AADAT: variants seen among roughly 807,000 people sequenced by gnomAD.
AADAT encodes kynurenine/alpha-aminoadipate aminotransferase, mitochondrial.
AADAT carries 25 observed loss-of-function variants against 56.2 expected under a neutral mutation model. The observed-to-expected ratio is 0.44, with a 90% confidence interval of 0.32 to 0.62. The LOEUF is 0.62. Among genes scored for constraint, AADAT ranks in the 20% least tolerant of loss-of-function variants. The pLI is 0.04. For synonymous variants in AADAT, 173 were observed against 164.7 expected (o/e 1.05, Z -0.39); for missense variants, 387 against 510.5 (o/e 0.76, Z 2.33).
chr4:170,066,518 T>C (rs772212212), intron 9 of AADAT, 40 bp from the exon 10 acceptor site: 1 of 1,493,378 alleles, frequency 6.7e-7, no homozygotes, highest in Non-Finnish European at 9.3e-7. Flanking sequence ...GCTCAGTACA[T>C]TGATTGCAGA....
In AADAT at chr4:170,064,756, A is replaced by G; in HGVS notation, c.1097T>C (p.Val366Ala). 1 of 1,610,964 alleles carries G rather than the reference A, an allele frequency of 6.2e-7. No individual in the cohort carries two copies. Among genetic ancestry groups the G allele is most frequent in the Non-Finnish European group, 8.5e-7 (1 of 1,179,368 alleles). ...GGCCTTTTCTTCAATCAGTTCTTTTACATCATTAATGCCTTTAACTTTAAT... is the reference window on the plus strand; with the variant it reads ...GGCCTTTTCTTCAATCAGTTCTTTTGCATCATTAATGCCTTTAACTTTAAT... The part of the protein sequence containing the change: ...LWIKVKGIND[V>A]KELIEEKAVK... The change falls in exon 11 of 13, where the codon GTA becomes GCA. Residue 366 changes from valine (V) to alanine (A), a missense_variant. Coordinates refer to ENST00000337664, the MANE Select transcript of AADAT (RefSeq NM_016228.4).
At chr4:170,076,906 C>T (rs74370654) in intron 4 of AADAT, among the ~76,000 whole-genome samples, 2,921 of 152,120 alleles carry the variant, frequency 0.019, 101 homozygotes, top group African/African-American at 0.066. Context: ...AGTAAGGGTC[C>T]AAGTTCTTTT....
chr4:170,088,823 A>G (rs544160017), intron 1 of AADAT, among the ~76,000 whole-genome samples: 1 of 152,190 alleles, frequency 6.6e-6, no homozygotes, highest in East Asian at 1.9e-4. Context: ...GCACTTATAA[A>G]AGAGGGCTGA....
Position 170,060,821 on chromosome 4 carries a change from C to CT in AADAT, c.*106dup. 4 of 888,220 alleles carry CT rather than the reference C, an allele frequency of 4.5e-6. No individual in the cohort carries two copies. Among genetic ancestry groups the CT allele is most frequent in the Non-Finnish European group, 6.7e-6 (4 of 601,312 alleles). The allele number at this position is 888,220 out of a possible 1,614,324, so 55.0% of individuals were successfully genotyped here. Reference sequence around the variant, plus strand: ...CCAGAGTGCAGTGGTGTGATCGTAGCTTACTGCAGCCTTGAATTCCTGGGT... The same window carrying CT: ...CCAGAGTGCAGTGGTGTGATCGTAGCTTTACTGCAGCCTTGAATTCCTGGGT... On this transcript the variant is annotated 3_prime_UTR_variant, in exon 13 of 13. Transcript: ENST00000337664.
rs144018711 is a variant in AADAT at position 170,060,280 on chromosome 4, T to C, written c.*648A>G. ...TTTCTGTGGCATAACATAAGGTTTA[T>C]GGTACTTTTACTAAAAGTCACTTAT... On this transcript the variant is annotated 3_prime_UTR_variant, in exon 13 of 13. Coordinates refer to ENST00000337664, the MANE Select transcript of AADAT (RefSeq NM_016228.4). 1 of 152,198 alleles carries C rather than the reference T, an allele frequency of 6.6e-6. No homozygotes were observed. Among genetic ancestry groups the C allele is most frequent in the East Asian group, 1.9e-4 (1 of 5,202 alleles). 9.4% of individuals were successfully genotyped at this position (152,198 alleles called of 1,614,324 possible). A position where few individuals can be genotyped will look rare whatever the true frequency, so the allele number is the denominator to read the frequency against.
chr4:170,064,962 T>A (rs919729388), intron 10 of AADAT, 137 bp from the exon 11 acceptor site: 7 of 624,550 alleles, frequency 1.1e-5, no homozygotes, highest in Admixed American at 3.7e-5. Context: ...ATAGCATTTT[T>A]AAAAATATCA....
chr4:170,092,966 T>C (rs536721293), upstream of AADAT, among the ~76,000 whole-genome samples: 2 of 152,330 alleles, frequency 1.3e-5, no homozygotes, highest in South Asian at 2.1e-4. Flanking sequence ...TAAAAGTAGT[T>C]CCTGAATTTT....
intron 3 of AADAT, among the ~76,000 whole-genome samples, chr4:170,080,734 T>C (rs1732258145): frequency 6.6e-6 from 1 of 152,148 alleles, no homozygotes; most frequent in African/African-American, 2.4e-5. Context: ...AAACCTGGAC[T>C]TAAGGTGCCA....
chr4:170,066,501 T>C (rs1731469115), intron 9 of AADAT, 23 bp from the exon 10 acceptor site: 1 of 1,571,062 alleles, frequency 6.4e-7, no homozygotes, highest in Non-Finnish European at 8.8e-7. Context: ...AACAATGAAA[T>C]GGATGTGCTC....
intron 4 of AADAT, among the ~76,000 whole-genome samples, chr4:170,077,680 A>T (rs141377659): frequency 2.7e-4 from 41 of 152,336 alleles, no homozygotes; most frequent in African/African-American, 9.6e-4. Flanking sequence ...GTAACCCATT[A>T]TGAAGTCCGG....
chr4:170,082,892 C>G (rs959549785), intron 3 of AADAT, among the ~76,000 whole-genome samples: 2 of 151,606 alleles, frequency 1.3e-5, no homozygotes, highest in African/African-American at 4.8e-5. Context: ...CCCAAGTATA[C>G]AAATATTAGT....
intron 3 of AADAT, among the ~76,000 whole-genome samples, chr4:170,082,668 C>T (rs1183410016): frequency 6.6e-6 from 1 of 152,056 alleles, no homozygotes; most frequent in Admixed American, 6.5e-5. Context: ...AAGACCCAAT[C>T]ATATGCAGCT....
chr4:170,089,426 C>T lies in AADAT; in HGVS notation c.67+198G>A, dbSNP rs1462575221. 29 of 632,506 alleles carry T rather than the reference C, an allele frequency of 4.6e-5. No homozygotes were observed. In the East Asian group the frequency reaches 7.7e-4, roughly 17 times the overall value. 39.2% of individuals were successfully genotyped at this position (632,506 alleles called of 1,614,324 possible). A position where few individuals can be genotyped will look rare whatever the true frequency, so the allele number is the denominator to read the frequency against. On this transcript the variant is annotated intron_variant, in intron 1 of 12. Coordinates refer to ENST00000337664, the MANE Select transcript of AADAT (RefSeq NM_016228.4). Reference sequence around the variant, plus strand: ...CCTACTCTGCTCCAGCAGAAATACCCGCCTTCCGTTTCAGCCCGAGTTCTT... The same window carrying T: ...CCTACTCTGCTCCAGCAGAAATACCTGCCTTCCGTTTCAGCCCGAGTTCTT...
At position 170,089,675 on chromosome 4, in the gene AADAT, A is replaced by G; in HGVS notation, c.16T>C (p.Phe6Leu). 1 of 1,614,082 alleles carries G rather than the reference A, an allele frequency of 6.2e-7. No individual in the cohort carries two copies. The change falls in exon 1 of 13, where the codon TTC becomes CTC. Residue 6 changes from phenylalanine to leucine, a missense_variant. Coordinates refer to ENST00000337664, the MANE Select transcript of AADAT (RefSeq NM_016228.4). The stretch of plus-strand genomic sequence containing the variant: ...CTGGCTGCGCTCGCTGCCGTGATGA[A>G]CCGTGCGTAATTCATGTCTTCTGAC... MNYAR[F>L]ITAASAARNP...
chr4:170,077,922 C>T (rs182252628), intron 4 of AADAT, among the ~76,000 whole-genome samples: 2 of 152,306 alleles, frequency 1.3e-5, no homozygotes, highest in Non-Finnish European at 2.9e-5. Context: ...TCCCTATTTA[C>T]TCTGACTATC....
chr4:170,089,490 G>A lies in AADAT; in HGVS notation c.67+134C>T, dbSNP rs560984504. 40 of 947,150 alleles carry A rather than the reference G, an allele frequency of 4.2e-5. No individual in the cohort carries two copies. In the South Asian group the frequency reaches 5.8e-4, roughly 14 times the overall value. 58.7% of individuals were successfully genotyped at this position (947,150 alleles called of 1,614,324 possible). A position where few individuals can be genotyped will look rare whatever the true frequency, so the allele number is the denominator to read the frequency against. ...TGTGTCTATTTCATTTCTGCACGCAGAGCCTGGCTCACCGCGAGCGTGCAC... is the reference window on the plus strand; with the variant it reads ...TGTGTCTATTTCATTTCTGCACGCAAAGCCTGGCTCACCGCGAGCGTGCAC... On this transcript the variant is annotated intron_variant, in intron 1 of 12. Transcript: ENST00000337664.
Position 170,066,432 on chromosome 4 carries a change from C to A in AADAT, c.1009G>T (p.Ala337Ser). 1 of 1,613,830 alleles carries A rather than the reference C, an allele frequency of 6.2e-7. No homozygotes were observed. Among genetic ancestry groups the A allele is most frequent in the Non-Finnish European group, 8.5e-7 (1 of 1,179,870 alleles). Residue 337 changes from alanine (A) to serine (S), a missense_variant, in exon 10 of 13, where the codon GCA becomes TCA. By Grantham distance (99) the Ala-to-Ser change is moderately conservative (BLOSUM62 1). Transcript: ENST00000337664. The stretch of plus-strand genomic sequence containing the variant: ...CACTCACCAGTTAACCACTTGTCTG[C>A]AGCTGCCAGTATTGCATCCTTCTGG... The part of the protein sequence containing the change: ...SNQKDAILAA[A>S]DKWLTGLAEW...
At chr4:170,070,775 T>A (rs1039398172) in intron 5 of AADAT, 123 bp from the exon 6 acceptor site, 1 of 642,336 alleles carries the variant, frequency 1.6e-6, no homozygotes, top group East Asian at 3.2e-5. Context: ...GTGTGTCTAT[T>A]GTCTTAGACA....
rs541236688 is a variant in AADAT, at chr4:170,068,494, T to G, written c.900+97A>C. On this transcript the variant is annotated intron_variant, in intron 8 of 12. Coordinates refer to ENST00000337664, the MANE Select transcript of AADAT (RefSeq NM_016228.4). ...GCAAAGAAGGCAAACTATGAGTCAC[T>G]AAACAGGTTTGGAGTTCCTGTGCTC... 166 of 855,180 alleles carry G rather than the reference T, an allele frequency of 1.9e-4. No homozygotes were observed. In the African/African-American group the frequency reaches 2.1e-3, roughly 11 times the overall value. The allele number at this position is 855,180 out of a possible 1,614,324, so 53.0% of individuals were successfully genotyped here. A position where few individuals can be genotyped will look rare whatever the true frequency, so the allele number is the denominator to read the frequency against.
Sources: gnomAD v4.1 joint callset for allele counts (sites outside exome capture counted in the v4.1 genomes callset) on GRCh38, gnomAD v4.1.1 for gene constraint, MANE v1.5 for transcripts, NCBI Gene and HGNC (gene_info 2026-07-23, HGNC 2026-07-21) for gene names.